The following USP14 variants were observed in gnomAD, a reference collection of about 807,000 sequenced individuals.
The protein encoded by USP14 is ubiquitin carboxyl-terminal hydrolase 14.
USP14 carries 38 observed loss-of-function variants against 76.5 expected under a neutral mutation model. The observed-to-expected ratio is 0.50, with a 90% CI of 0.38 to 0.65. USP14 has a LOEUF of 0.65. USP14 is among the 30% of genes least tolerant of loss of function. USP14 has a pLI of 0.00. For synonymous variants in USP14, 192 were observed against 191.7 expected (o/e 1.00, Z -0.01); for missense variants, 467 against 586.5 (o/e 0.80, Z 2.10).
rs1265430342 is a variant in USP14 at position 193,829 on chromosome 18, A to G, written c.463+929A>G. 2.6e-5 allele frequency among the ~76,000 whole-genome samples: 4 copies of G among 152,158 alleles called. No individual in the cohort carries two copies. In the East Asian group the frequency reaches 5.8e-4, roughly 22 times the overall value. ...TGGACAAGCCACATATCATTTATCCATTCATCGTTGGTGGATATTTGGGTT... is the reference window on the plus strand; with the variant it reads ...TGGACAAGCCACATATCATTTATCCGTTCATCGTTGGTGGATATTTGGGTT... On this transcript the variant is annotated intron_variant, in intron 6 of 15. Transcript: ENST00000261601.
chr18:191,653 G>A (rs1199934713), intron 5 of USP14, among the ~76,000 whole-genome samples: 1 of 152,028 alleles, frequency 6.6e-6, no homozygotes, highest in African/African-American at 2.4e-5. Flanking sequence ...TAAAATAAAC[G>A]GAATCCTACA....
intron 5 of USP14, among the ~76,000 whole-genome samples, chr18:188,601 G>GTT (rs1448277390): frequency 7.3e-6 from 1 of 137,600 alleles, no homozygotes; most frequent in East Asian, 2.1e-4. Context: ...TTTCTTTCAT[G>GTT]TTTTTATAGG....
Position 196,734 on chromosome 18 carries a change from C to T in USP14, c.561C>T (p.Ala187=), listed in dbSNP as rs374980775. The T allele has an allele frequency of 4.3e-5, 70 of 1,613,760 alleles. No homozygotes were observed. Among genetic ancestry groups the T allele is most frequent in the East Asian group, 8.9e-5 (4 of 44,858 alleles). ...QFLHMAFPQF[A]EKGEQGQYLQ... Reference sequence around the variant, plus strand: ...TGCACATGGCTTTCCCACAGTTTGCCGAGAAAGGTGAACAAGGACAGTATC... The same window carrying T: ...TGCACATGGCTTTCCCACAGTTTGCTGAGAAAGGTGAACAAGGACAGTATC... The change falls in exon 7 of 16, where the codon GCC becomes GCT. Residue 187 remains alanine, a synonymous_variant. Transcript: ENST00000261601.
intron 2 of USP14, among the ~76,000 whole-genome samples, chr18:163,995 A>T (rs989749406): frequency 1.1e-4 from 17 of 152,304 alleles, no homozygotes; most frequent in South Asian, 2.1e-4. Flanking sequence ...ACTAGCAGGT[A>T]ATGATCTCCA....
chr18:171,022 AAAAATATATATATAT>A (rs1203686479), intron 3 of USP14, among the ~76,000 whole-genome samples: 66 of 74,168 alleles, frequency 8.9e-4, no homozygotes, highest in African/African-American at 3.4e-3. Context: ...AAAAAAAAAA[AAAAATATATATATAT>A]ATATATATAT....
intron 12 of USP14, among the ~76,000 whole-genome samples, chr18:203,579 A>T (rs960497086): frequency 1.3e-5 from 2 of 151,152 alleles, no homozygotes; most frequent in South Asian, 2.1e-4. Context: ...TGAGGTAGGG[A>T]GTGATAACTC....
At position 189,679 on chromosome 18, in the gene USP14, C is replaced by A. The variant is rs1033873574; in HGVS notation, c.405-3163C>A. 1.2e-4 allele frequency among the ~76,000 whole-genome samples: 18 copies of A among 152,090 alleles called. 1 individual carries two copies. The highest frequency in any genetic ancestry group is 4.3e-4 in the African/African-American group (18 of 41,418). ...TGTATTTTTATTAGAGACAGGGTTT[C>A]ATCATGTTGGCCAGGATGGTCTCGA... is the stretch of plus-strand genomic sequence containing the variant. On this transcript the variant is annotated intron_variant, in intron 5 of 15. Transcript: ENST00000261601.
At chr18:197,190 T>G (rs1346983662) in intron 7 of USP14, among the ~76,000 whole-genome samples, 1 of 152,234 alleles carries the variant, frequency 6.6e-6, no homozygotes, top group Non-Finnish European at 1.5e-5. Flanking sequence ...GTTCTTTGGC[T>G]GTCAGATAAG....
At position 213,970 on chromosome 18, in the gene USP14, A is replaced by AT. The variant is rs59632306; in HGVS notation, c.*2687dup. ...ACATTTTCTGTAATGGACAAGATAG[A>AT]TAGATTAGATAGATAGATAGATAGA... is the stretch of plus-strand genomic sequence containing the variant. On this transcript the variant is annotated 3_prime_UTR_variant, in exon 16 of 16. Transcript: ENST00000261601. 32,344 of 142,776 alleles carry AT rather than the reference A, an allele frequency of 0.23. 3,908 individuals are homozygous for AT. The highest frequency in any genetic ancestry group is 0.36 in the South Asian group (1,647 of 4,522). 8.8% of individuals were successfully genotyped at this position (142,776 alleles called of 1,614,324 possible).
At position 207,181 on chromosome 18, in the gene USP14, G is replaced by A. The variant is rs982289094; in HGVS notation, c.1164+2489G>A. Among the ~76,000 whole-genome samples the A allele has an allele frequency of 1.1e-4, 16 of 144,628 alleles. 3 individuals carry two copies. Among genetic ancestry groups the A allele is most frequent in the African/African-American group, 4.0e-4 (16 of 40,356 alleles). The allele number at this position is 144,628 out of a possible 152,430, so 94.9% of individuals were successfully genotyped here. On this transcript the variant is annotated intron_variant, in intron 13 of 15. Transcript: ENST00000261601. ...TTTTATTCCATTGGTCTATATGTCT[G>A]TCCTGATGCTCATACCAGACTGACT...
chr18:206,946 A>C (rs1032682960), intron 13 of USP14, among the ~76,000 whole-genome samples: 5 of 152,088 alleles, frequency 3.3e-5, no homozygotes, highest in African/African-American at 1.2e-4. Context: ...CTGTGGTTTT[A>C]GTTCTTCCAT....
At chr18:205,511 C>T (rs1424763384) in intron 13 of USP14, among the ~76,000 whole-genome samples, 3 of 152,122 alleles carry the variant, frequency 2.0e-5, no homozygotes, top group Admixed American at 1.3e-4. Flanking sequence ...TGGTGGCTCA[C>T]GCTAGTAATC....
chr18:159,757 A>G (rs1246731529), intron 1 of USP14, among the ~76,000 whole-genome samples: 1 of 152,222 alleles, frequency 6.6e-6, no homozygotes, highest in Non-Finnish European at 1.5e-5. Context: ...ATTCACACAC[A>G]TAAAACAAAA....
rs771938055 is a variant in USP14 at position 196,668 on chromosome 18, A to G, written c.495A>G (p.Lys165=). Residue 165 remains lysine, a synonymous_variant, in exon 7 of 16, where the codon AAA becomes AAG. Coordinates refer to ENST00000261601, the MANE Select transcript of USP14 (RefSeq NM_005151.4). ...GAGATTTGTTTGATTCCATGGATAA[A>G]ACTTCTTCCAGTATTCCACCTATTA... The part of the protein sequence containing the change: ...ALRDLFDSMD[K]TSSSIPPIIL... 1.2e-6 allele frequency: 2 copies of G among 1,613,948 alleles called. No homozygotes were observed. Among genetic ancestry groups the G allele is most frequent in the Admixed American group, 3.3e-5 (2 of 60,002 alleles).
chr18:204,427 C>A, intron 12 of USP14, 137 bp from the exon 13 acceptor site: 1 of 795,304 alleles, frequency 1.3e-6, no homozygotes, highest in Non-Finnish European at 1.8e-6. Context: ...GTTTCAACTG[C>A]AGATTTCCAA....
At chr18:204,521 T>G (rs1453973503) in intron 12 of USP14, 43 bp from the exon 13 acceptor site, 9 of 1,436,190 alleles carry the variant, frequency 6.3e-6, no homozygotes, top group Non-Finnish European at 8.4e-6. Context: ...ATAAATATCT[T>G]TATAAATGTG....
chr18:177,648 T>A (rs1048980771), intron 3 of USP14, among the ~76,000 whole-genome samples: 9 of 151,338 alleles, frequency 5.9e-5, no homozygotes, highest in East Asian at 1.9e-4. Flanking sequence ...TTTTTTTTTT[T>A]AAATCTCCAC....
At chr18:168,625 G>C (rs1029070694) in intron 3 of USP14, among the ~76,000 whole-genome samples, 2 of 151,734 alleles carry the variant, frequency 1.3e-5, no homozygotes, top group Non-Finnish European at 2.9e-5. Flanking sequence ...GGTAGAGACA[G>C]GGTTTCGCAA....
intron 3 of USP14, among the ~76,000 whole-genome samples, chr18:178,086 T>A (rs1405929001): frequency 6.6e-6 from 1 of 152,160 alleles, no homozygotes; most frequent in African/African-American, 2.4e-5. Context: ...AGTGGTGTGA[T>A]CACAGCTCAC....
Sources: gnomAD v4.1 joint callset for allele counts (sites outside exome capture counted in the v4.1 genomes callset) on GRCh38, gnomAD v4.1.1 for gene constraint, MANE v1.5 for transcripts, NCBI Gene and HGNC (gene_info 2026-07-23, HGNC 2026-07-21) for gene names.